KCNB2: variants seen among roughly 807,000 people sequenced by gnomAD.
KCNB2 encodes delayed rectifier potassium channel protein.
Under a neutral mutation model 61.5 loss-of-function variants are expected in KCNB2, and 15 were observed. That is an observed-to-expected ratio of 0.24 (90% CI 0.16 to 0.38). The LOEUF is 0.38. KCNB2 is among the 10% of genes least tolerant of loss of function. The probability of loss-of-function intolerance (pLI) is 1.00; values close to 1 mark genes in which losing one functional copy is unlikely to be tolerated. For missense variants in KCNB2, 828 were observed against 1,125.2 expected, an observed-to-expected ratio of 0.74 and a Z score of 3.78; for synonymous variants, 457 against 446.0, an observed-to-expected ratio of 1.02 and a Z score of -0.31.
chr8:72,602,952 T>TAA (rs200579710), intron 2 of KCNB2, among the ~76,000 whole-genome samples: 1 of 137,706 alleles, frequency 7.3e-6, no homozygotes, highest in Non-Finnish European at 1.6e-5. Context: ...GGTTAAGCAC[T>TAA]AAAAAAAAAA....
At chr8:72,904,738 G>A (rs1238489500) in intron 2 of KCNB2, among the ~76,000 whole-genome samples, 1 of 151,690 alleles carries the variant, frequency 6.6e-6, no homozygotes, top group African/African-American at 2.4e-5. Context: ...CTTCATTAGT[G>A]TTCCCATAGC....
At chr8:72,785,096 G>A (rs1808825771) in intron 2 of KCNB2, among the ~76,000 whole-genome samples, 1 of 152,070 alleles carries the variant, frequency 6.6e-6, no homozygotes, top group South Asian at 2.1e-4. Flanking sequence ...AAGGGAATGT[G>A]GCTTGCTGCT....
intron 2 of KCNB2, among the ~76,000 whole-genome samples, chr8:72,725,283 A>G (rs955910256): frequency 1.3e-5 from 2 of 151,864 alleles, no homozygotes; most frequent in African/African-American, 2.4e-5. Flanking sequence ...AGATATTTCT[A>G]TCATTATTTG....
chr8:72,846,225 C>T (rs1349106651), intron 2 of KCNB2, among the ~76,000 whole-genome samples: 1 of 152,178 alleles, frequency 6.6e-6, no homozygotes, highest in Admixed American at 6.5e-5. Flanking sequence ...TTGTGCTTCC[C>T]AGGTAAGGCG....
intron 2 of KCNB2, among the ~76,000 whole-genome samples, chr8:72,867,824 T>C (rs16938454): frequency 0.015 from 2,265 of 152,256 alleles, 55 homozygotes; most frequent in African/African-American, 0.05. Context: ...GAAGATGACA[T>C]CACTACTATC....
At chr8:72,800,812 C>G (rs1809113582) in intron 2 of KCNB2, among the ~76,000 whole-genome samples, 1 of 152,176 alleles carries the variant, frequency 6.6e-6, no homozygotes, top group African/African-American at 2.4e-5. Flanking sequence ...TGGAGTGACA[C>G]TGCATTTACA....
intron 2 of KCNB2, among the ~76,000 whole-genome samples, chr8:72,847,333 A>G (rs1180757143): frequency 6.6e-6 from 1 of 152,142 alleles, no homozygotes; most frequent in African/African-American, 2.4e-5. Flanking sequence ...CCTTTACAAC[A>G]TCGCCCCCTT....
At chr8:72,914,046 A>G (rs1482021) in intron 2 of KCNB2, among the ~76,000 whole-genome samples, 89,697 of 152,044 alleles carry the variant, frequency 0.59, 27,737 homozygotes, top group Middle Eastern at 0.7. Context: ...TATTTCTCAC[A>G]GTTCTTGAGG....
At chr8:72,686,307 C>T (rs946640638) in intron 2 of KCNB2, among the ~76,000 whole-genome samples, 2 of 152,110 alleles carry the variant, frequency 1.3e-5, no homozygotes, top group Admixed American at 6.5e-5. Flanking sequence ...TCTTATAGGC[C>T]TATTTGGGCT....
chr8:72,627,301 A>G (rs1206841311), intron 2 of KCNB2, among the ~76,000 whole-genome samples: 1 of 152,208 alleles, frequency 6.6e-6, no homozygotes, highest in African/African-American at 2.4e-5. Flanking sequence ...AGGGCAGGTG[A>G]TATTTAGCCT....
intron 1 of KCNB2, among the ~76,000 whole-genome samples, chr8:72,562,757 T>A (rs1806557442): frequency 6.6e-6 from 1 of 152,210 alleles, no homozygotes; most frequent in East Asian, 1.9e-4. Flanking sequence ...AGAATTGAAC[T>A]ACATGATTAA....
chr8:72,576,083 G>C (rs1806790437), intron 2 of KCNB2, among the ~76,000 whole-genome samples: 1 of 152,058 alleles, frequency 6.6e-6, no homozygotes, highest in South Asian at 2.1e-4. Context: ...AAAGAATTGT[G>C]ATCAAAACAT....
rs530340975 is a variant in KCNB2, at chr8:72,653,010, G to C, written c.579+84697G>C. 2.0e-5 allele frequency among the ~76,000 whole-genome samples: 3 copies of C among 152,166 alleles called. No homozygotes were observed. The East Asian group carries it at 5.8e-4, about 29-fold the overall frequency. ...TTGCCAGCAATCCTTGGTGTTCCTT[G>C]GCTTTTGGCTGCATACCTCCAATCT... On this transcript the variant is annotated intron_variant, in intron 2 of 2. Transcript: ENST00000523207.
intron 2 of KCNB2, among the ~76,000 whole-genome samples, chr8:72,584,283 T>C (rs1806962650): frequency 6.6e-6 from 1 of 151,948 alleles, no homozygotes; most frequent in African/African-American, 2.4e-5. Flanking sequence ...CAAAGATAAA[T>C]ATGAGGGAGT....
At chr8:72,625,288 C>T (rs1480507445) in intron 2 of KCNB2, among the ~76,000 whole-genome samples, 6 of 152,276 alleles carry the variant, frequency 3.9e-5, no homozygotes, top group Non-Finnish European at 8.8e-5. Context: ...AATGAAGTCC[C>T]TGTTCTGAGG....
At chr8:72,687,625 A>G (rs1339126282) in intron 2 of KCNB2, among the ~76,000 whole-genome samples, 1 of 152,234 alleles carries the variant, frequency 6.6e-6, no homozygotes, top group African/African-American at 2.4e-5. Flanking sequence ...TAAGGCCACA[A>G]ACTCAATTGT....
intron 2 of KCNB2, among the ~76,000 whole-genome samples, chr8:72,824,737 A>G (rs1163024798): frequency 6.6e-6 from 1 of 151,978 alleles, no homozygotes; most frequent in Non-Finnish European, 1.5e-5. Context: ...AGCTGCCCCC[A>G]TTCCCCATCA....
intron 2 of KCNB2, among the ~76,000 whole-genome samples, chr8:72,820,794 T>C (rs1372277968): frequency 6.6e-6 from 1 of 152,200 alleles, no homozygotes; most frequent in East Asian, 1.9e-4. Context: ...GATCATTTTA[T>C]AATAAACTTT....
At chr8:72,598,363 C>G (rs985188753) in intron 2 of KCNB2, among the ~76,000 whole-genome samples, 1 of 152,184 alleles carries the variant, frequency 6.6e-6, no homozygotes, top group African/African-American at 2.4e-5. Flanking sequence ...ATGATTATCT[C>G]AATAGATGCA....
Sources: allele counts gnomAD v4.1 joint callset (sites outside exome capture counted in the v4.1 genomes callset), GRCh38; gene constraint gnomAD v4.1.1; transcripts MANE v1.5; gene names NCBI Gene and HGNC (gene_info 2026-07-23, HGNC 2026-07-21).